The following KCNK10 variants were observed in gnomAD, a reference collection of about 807,000 sequenced individuals.
KCNK10 encodes potassium channel subfamily K member 10.
Under a neutral mutation model 47.7 loss-of-function variants are expected in KCNK10, and 25 were observed. The observed-to-expected ratio is 0.52, with a 90% CI of 0.38 to 0.73. The LOEUF (loss-of-function observed/expected upper bound fraction) is 0.73, where lower values mean the gene tolerates loss of function less well. Ranked by LOEUF, KCNK10 falls within the 30% of genes least tolerant of loss-of-function variation. The pLI is 0.00. For synonymous variants in KCNK10, 303 were observed against 285.6 expected (o/e 1.06, Z -0.61); for missense variants, 563 against 714.5 (o/e 0.79, Z 2.42).
intron 5 of KCNK10, among the ~76,000 whole-genome samples, chr14:88,190,611 GA>G (rs1884713007): frequency 6.6e-6 from 1 of 151,778 alleles, no homozygotes; most frequent in Non-Finnish European, 1.5e-5. Context: ...TAGTCACACT[GA>G]CTAAAAATCA....
At chr14:88,264,599 G>A (rs909964324) in intron 1 of KCNK10, among the ~76,000 whole-genome samples, 2 of 152,202 alleles carry the variant, frequency 1.3e-5, no homozygotes, top group African/African-American at 2.4e-5. Flanking sequence ...GGCTGTAGAG[G>A]TGATGGCTTA....
upstream of KCNK10, among the ~76,000 whole-genome samples, chr14:88,325,856 A>G (rs1888649654): frequency 6.6e-6 from 1 of 151,590 alleles, no homozygotes; most frequent in Admixed American, 6.6e-5. Flanking sequence ...TGTACAAGAC[A>G]GGTTGCAGGT....
chr14:88,250,112 T>C (rs1886753472), intron 2 of KCNK10, among the ~76,000 whole-genome samples: 1 of 152,162 alleles, frequency 6.6e-6, no homozygotes, highest in South Asian at 2.1e-4. Flanking sequence ...GTTTTATTTT[T>C]ATGGGAGTTT....
At chr14:88,226,355 T>A (rs1885986671) in intron 4 of KCNK10, among the ~76,000 whole-genome samples, 1 of 152,216 alleles carries the variant, frequency 6.6e-6, no homozygotes, top group African/African-American at 2.4e-5. Context: ...TGAGCCATTA[T>A]TGCAGAGACA....
In KCNK10 at chr14:88,185,256, A is replaced by G; in HGVS notation, c.*279T>C. ...AGGTAGCACTGCCCAGGGGTACAGC[A>G]CTGCCACTGAAATGCCCTTAACATG... On this transcript the variant is annotated 3_prime_UTR_variant, in exon 7 of 7. Transcript: ENST00000319231. This position sits in a 1 kb window ranked among gnomAD's most constrained non-coding sequence, Gnocchi z 4.3. The G allele has an allele frequency of 2.5e-6, 1 of 407,960 alleles. No homozygotes were observed. Among genetic ancestry groups the G allele is most frequent in the East Asian group, 5.4e-5 (1 of 18,562 alleles). The allele number at this position is 407,960 out of a possible 1,614,324, so 25.3% of individuals were successfully genotyped here. A position where few individuals can be genotyped will look rare whatever the true frequency, so the allele number is the denominator to read the frequency against.
At chr14:88,280,622 C>T (rs1034936738) in intron 1 of KCNK10, among the ~76,000 whole-genome samples, 23 of 152,164 alleles carry the variant, frequency 1.5e-4, no homozygotes, top group African/African-American at 4.6e-4. Flanking sequence ...CTCACCTCCC[C>T]GAATGATAGT....
At chr14:88,245,769 G>C (rs1461311982) in intron 2 of KCNK10, among the ~76,000 whole-genome samples, 2 of 152,182 alleles carry the variant, frequency 1.3e-5, no homozygotes, top group Admixed American at 6.5e-5. Flanking sequence ...ATGCATGGAC[G>C]CTAATAGCTG....
Position 88,242,928 on chromosome 14 carries a change from C to T in KCNK10, c.403-2108G>A, listed in dbSNP as rs1886523443. ...TACCATCAGTACCTAATATTTACAACTCCTATCAAGCTGTGAAGAGAGGTT... is the reference window on the plus strand; with the variant it reads ...TACCATCAGTACCTAATATTTACAATTCCTATCAAGCTGTGAAGAGAGGTT... On this transcript the variant is annotated intron_variant, in intron 2 of 6. Transcript: ENST00000319231. 1.3e-5 allele frequency among the ~76,000 whole-genome samples: 2 copies of T among 152,182 alleles called. 1 individual carries two copies. Among genetic ancestry groups the T allele is most frequent in the Non-Finnish European group, 2.9e-5 (2 of 68,034 alleles).
At chr14:88,219,737 A>G (rs1481715550) in intron 4 of KCNK10, among the ~76,000 whole-genome samples, 2 of 152,208 alleles carry the variant, frequency 1.3e-5, no homozygotes, top group Non-Finnish European at 2.9e-5. Context: ...TAAGCATTGG[A>G]ATCACTTGGA....
In KCNK10 at chr14:88,260,757, G is replaced by GC. The variant is rs1226717483; in HGVS notation, c.402+2444dup. 1.3e-5 allele frequency among the ~76,000 whole-genome samples: 2 copies of GC among 152,176 alleles called. No individual in the cohort carries two copies. The highest frequency in any genetic ancestry group is 6.5e-5 in the Admixed American group (1 of 15,274). ...ATATGATGCCCAGCTCATAACAGAT[G>GC]CCTAATAAAGAGCAGCTTTTTAAAT... On this transcript the variant is annotated intron_variant, in intron 2 of 6. Coordinates refer to ENST00000319231, the MANE Select transcript of KCNK10 (RefSeq NM_138317.3). This position sits in a 1 kb window ranked among gnomAD's most constrained non-coding sequence, Gnocchi z 4.5.
intron 1 of KCNK10, among the ~76,000 whole-genome samples, chr14:88,270,322 T>C (rs1215231545): frequency 6.6e-6 from 1 of 152,174 alleles, no homozygotes; most frequent in Non-Finnish European, 1.5e-5. Flanking sequence ...CCTCCAGTTG[T>C]CCCAGCAGCT....
At chr14:88,231,529 C>T (rs1016963662) in intron 3 of KCNK10, among the ~76,000 whole-genome samples, 4 of 152,144 alleles carry the variant, frequency 2.6e-5, no homozygotes, top group African/African-American at 9.7e-5. Flanking sequence ...AGAACCTGAT[C>T]GCTCGCTGTC....
At chr14:88,187,867 C>T in intron 6 of KCNK10, 100 bp downstream of exon 6, 3 of 1,372,268 alleles carry the variant, frequency 2.2e-6, no homozygotes, top group South Asian at 1.3e-5. Context: ...CCTGCAAAAC[C>T]GAGCCAGAAA....
chr14:88,281,731 T>C (rs749791931), intron 1 of KCNK10, among the ~76,000 whole-genome samples: 175 of 90,452 alleles, frequency 1.9e-3, no homozygotes, highest in Non-Finnish European at 3.3e-3. Context: ...TCTCTCCATA[T>C]ATATATATAT....
At chr14:88,304,230 A>T (rs1013054502) in intron 1 of KCNK10, among the ~76,000 whole-genome samples, 2 of 152,034 alleles carry the variant, frequency 1.3e-5, no homozygotes, top group African/African-American at 4.8e-5. Context: ...CGGGAGGATC[A>T]CTTGAGCCCA....
chr14:88,288,475 T>A (rs942208856), intron 1 of KCNK10, among the ~76,000 whole-genome samples: 4 of 152,046 alleles, frequency 2.6e-5, no homozygotes, highest in Admixed American at 6.6e-5. Flanking sequence ...TCCAAATACA[T>A]CCTGATTTCA....
intron 1 of KCNK10, among the ~76,000 whole-genome samples, chr14:88,302,253 C>A (rs773255366): frequency 6.6e-6 from 1 of 152,090 alleles, no homozygotes; most frequent in Non-Finnish European, 1.5e-5. Flanking sequence ...AGGATATACT[C>A]GGCATATAGA....
At chr14:88,226,003 C>T (rs1413095308) in intron 4 of KCNK10, among the ~76,000 whole-genome samples, 4 of 152,222 alleles carry the variant, frequency 2.6e-5, no homozygotes, top group Non-Finnish European at 5.9e-5. Context: ...AAAACTCACA[C>T]ACCACAGAGC....
intron 1 of KCNK10, among the ~76,000 whole-genome samples, chr14:88,314,328 C>A (rs2139803122): frequency 6.6e-6 from 1 of 152,358 alleles, no homozygotes; most frequent in East Asian, 1.9e-4. Flanking sequence ...AAGGCACCAT[C>A]TATGAGCTGA....
Sources: gnomAD v4.1 joint callset for allele counts (sites outside exome capture counted in the v4.1 genomes callset) on GRCh38, gnomAD v4.1.1 for gene constraint, Gnocchi (gnomAD v3.1) non-coding constraint, MANE v1.5 for transcripts, NCBI Gene and HGNC (gene_info 2026-07-23, HGNC 2026-07-21) for gene names.